The following PTPRD variants were observed in gnomAD, a reference collection of about 807,000 sequenced individuals.
PTPRD encodes receptor-type tyrosine-protein phosphatase delta.
PTPRD carries 34 observed loss-of-function variants against 214.5 expected under a neutral mutation model. The observed-to-expected ratio is 0.16, with a 90% CI of 0.12 to 0.21. The LOEUF is 0.21. Ranked by LOEUF, PTPRD falls within the 10% of genes least tolerant of loss-of-function variation. The pLI, the probability that PTPRD is intolerant of heterozygous loss-of-function variation, is 1.00. For missense variants in PTPRD, 2,545 were observed against 2,398.7 expected (o/e 1.06, Z -1.27); for synonymous variants, 1,128 against 845.7 (o/e 1.33, Z -5.79).
intron 7 of PTPRD, among the ~76,000 whole-genome samples, chr9:9,720,779 C>T (rs906342644): frequency 9.3e-5 from 14 of 151,296 alleles, no homozygotes; most frequent in East Asian, 1.9e-4. Flanking sequence ...AAATAAAATG[C>T]GATATATATA....
intron 3 of PTPRD, among the ~76,000 whole-genome samples, chr9:10,068,934 G>A (rs996390716): frequency 1.4e-4 from 21 of 152,104 alleles, no homozygotes; most frequent in Admixed American, 4.6e-4. Flanking sequence ...TTCGTAGACT[G>A]CCTTCAGACT....
At chr9:9,902,734 C>T (rs541107715) in intron 5 of PTPRD, among the ~76,000 whole-genome samples, 19 of 152,008 alleles carry the variant, frequency 1.2e-4, no homozygotes, top group South Asian at 6.2e-4. Flanking sequence ...ATGATAGATA[C>T]CTTAGATACA....
At chr9:9,573,147 G>C (rs1395144660) in intron 8 of PTPRD, among the ~76,000 whole-genome samples, 1 of 151,616 alleles carries the variant, frequency 6.6e-6, no homozygotes, top group Non-Finnish European at 1.5e-5. Context: ...TATTCACAGA[G>C]TTGAATACTA....
chr9:9,379,494 C>G (rs144793068), intron 9 of PTPRD, among the ~76,000 whole-genome samples: 3 of 151,932 alleles, frequency 2.0e-5, no homozygotes, highest in African/African-American at 7.2e-5. Flanking sequence ...TTGTTCTTCT[C>G]CTTCAACATT....
At chr9:9,196,108 C>T (rs951513501) in intron 9 of PTPRD, among the ~76,000 whole-genome samples, 1 of 152,088 alleles carries the variant, frequency 6.6e-6, no homozygotes, top group Admixed American at 6.6e-5. Flanking sequence ...CATACCTGAC[C>T]TTCAATGTTC....
chr9:8,375,800 C>A (rs568024960), intron 39 of PTPRD, 136 bp downstream of exon 39: 1,872 of 1,022,750 alleles, frequency 1.8e-3, no homozygotes, highest in Non-Finnish European at 2.4e-3. Context: ...TAGCATAGGC[C>A]TCATTTGACC....
chr9:9,051,865 T>C (rs1050680069), intron 10 of PTPRD, among the ~76,000 whole-genome samples: 1 of 152,324 alleles, frequency 6.6e-6, no homozygotes, highest in South Asian at 2.1e-4. Context: ...CAAAATTCTA[T>C]ATTCCTAGTC....
At chr9:9,380,785 T>A (rs562427985) in intron 9 of PTPRD, among the ~76,000 whole-genome samples, 13 of 152,284 alleles carry the variant, frequency 8.5e-5, no homozygotes, top group African/African-American at 3.1e-4. Context: ...ACTGTCAAAA[T>A]CTCTATGATT....
At chr9:8,473,776 G>A (rs991720264) in intron 30 of PTPRD, among the ~76,000 whole-genome samples, 1 of 152,036 alleles carries the variant, frequency 6.6e-6, no homozygotes, top group African/African-American at 2.4e-5. Context: ...CTCCCCCACG[G>A]CAATTAATTA....
At chr9:8,434,297 A>G (rs978705562) in intron 35 of PTPRD, among the ~76,000 whole-genome samples, 19 of 152,316 alleles carry the variant, frequency 1.2e-4, no homozygotes, top group African/African-American at 4.3e-4. Flanking sequence ...TCTTTTTTAC[A>G]GTATTTTTTA....
intron 14 of PTPRD, among the ~76,000 whole-genome samples, chr9:8,551,459 C>A (rs953569419): frequency 6.6e-6 from 1 of 152,024 alleles, no homozygotes; most frequent in African/African-American, 2.4e-5. Flanking sequence ...GATCTTTTTT[C>A]TTTCTCTTTT....
intron 39 of PTPRD, among the ~76,000 whole-genome samples, chr9:8,342,739 C>G (rs916233189): frequency 6.6e-6 from 1 of 152,050 alleles, no homozygotes. Flanking sequence ...CAATGAAGTA[C>G]TCTGCTAAGT....
At chr9:8,439,227 T>C (rs953398018) in intron 34 of PTPRD, among the ~76,000 whole-genome samples, 4 of 152,174 alleles carry the variant, frequency 2.6e-5, no homozygotes, top group African/African-American at 9.6e-5. Flanking sequence ...TGGGTTCTAC[T>C]TCTGGTTTTG....
chr9:10,154,920 G>C (rs1169393441), intron 3 of PTPRD, among the ~76,000 whole-genome samples: 3 of 151,842 alleles, frequency 2.0e-5, no homozygotes, highest in South Asian at 2.1e-4. Flanking sequence ...GGATTGTCTT[G>C]GTTATTCAGC....
chr9:9,925,432 C>A (rs1340946257), intron 5 of PTPRD, among the ~76,000 whole-genome samples: 1 of 151,872 alleles, frequency 6.6e-6, no homozygotes, highest in East Asian at 1.9e-4. Context: ...ACATACAGGA[C>A]CTTGAAGGAG....
chr9:8,697,350 G>A (rs1254026017), intron 12 of PTPRD, among the ~76,000 whole-genome samples: 2 of 150,552 alleles, frequency 1.3e-5, no homozygotes, highest in African/African-American at 4.9e-5. Context: ...TCTTTTCCTG[G>A]TGGAATTTTC....
At chr9:8,883,105 G>A (rs984734130) in intron 11 of PTPRD, among the ~76,000 whole-genome samples, 3 of 151,922 alleles carry the variant, frequency 2.0e-5, no homozygotes, top group Admixed American at 6.6e-5. Context: ...TTAATAATCA[G>A]TACCACTAAT....
intron 3 of PTPRD, among the ~76,000 whole-genome samples, chr9:10,332,086 T>C (rs1328353621): frequency 6.6e-6 from 1 of 151,884 alleles, no homozygotes; most frequent in Admixed American, 6.6e-5. Context: ...TAAATTGTTT[T>C]AAAATCAGGG....
At chr9:10,378,049 C>G (rs1432221545) in intron 2 of PTPRD, among the ~76,000 whole-genome samples, 1 of 152,006 alleles carries the variant, frequency 6.6e-6, no homozygotes, top group Admixed American at 6.6e-5. Flanking sequence ...GTTCCCTTTT[C>G]TCCACATCCT....
Sources: allele counts gnomAD v4.1 joint callset (sites outside exome capture counted in the v4.1 genomes callset), GRCh38; gene constraint gnomAD v4.1.1; transcripts MANE v1.5; gene names NCBI Gene and HGNC (gene_info 2026-07-23, HGNC 2026-07-21).